The following SMARCA4 variants were observed in gnomAD, a reference collection of about 807,000 sequenced individuals.
SMARCA4 encodes the protein SWI/SNF related BAF chromatin remodeling complex subunit ATPase 4.
SMARCA4 carries 31 observed loss-of-function variants against 193.9 expected under a neutral mutation model. The ratio of observed to expected loss-of-function variants is 0.16; its 90% CI spans 0.12 to 0.22. SMARCA4 has a LOEUF of 0.22. SMARCA4 is among the 10% of genes least tolerant of loss of function. The pLI is 1.00. For missense variants in SMARCA4, 1,148 were observed against 2,296.0 expected (o/e 0.50, Z 10.22); for synonymous variants, 942 against 933.1 (o/e 1.01, Z -0.17).
chr19:11,060,160 C>G lies in SMARCA4; in HGVS notation c.4884C>G (p.Asp1628Glu), dbSNP rs778856307. Residue 1628 changes from aspartate (D) to glutamate (E), a missense_variant, in exon 34 of 35, where the codon GAC (aspartate) becomes GAG (glutamate). By Grantham distance (45) the Asp-to-Glu change is conservative (BLOSUM62 2). Transcript: ENST00000344626. ...RGSRAKPVVS[D>E]DDSEEEQEED... The stretch of plus-strand genomic sequence containing the variant: ...CCCGAGCCAAGCCGGTCGTGAGTGA[C>G]GATGACAGTGAGGAGGAACAAGAGG... The G allele has an allele frequency of 3.2e-6, 5 of 1,551,064 alleles. No homozygotes were observed. The African/African-American group carries it at 6.8e-5, about 21-fold the overall frequency.
At chr19:11,014,322 A>G (rs936689649) in intron 16 of SMARCA4, among the ~76,000 whole-genome samples, 2 of 152,190 alleles carry the variant, frequency 1.3e-5, no homozygotes, top group Non-Finnish European at 2.9e-5. Context: ...TGACTGTTGC[A>G]GGGAGGACTG....
chr19:10,975,039 T>TTTG (rs2085017707), intron 1 of SMARCA4, among the ~76,000 whole-genome samples: 1 of 141,800 alleles, frequency 7.1e-6, no homozygotes, highest in African/African-American at 2.7e-5. Flanking sequence ...TTTTTTTTTT[T>TTTG]GAGACAGGGT....
chr19:10,963,796 C>T (rs1011746072), intron 1 of SMARCA4, among the ~76,000 whole-genome samples: 9 of 149,830 alleles, frequency 6.0e-5, no homozygotes, highest in African/African-American at 2.0e-4. Context: ...GACGGAGTCT[C>T]GCTCTGTCAT....
chr19:11,051,530 C>T (rs1429343129), intron 30 of SMARCA4, among the ~76,000 whole-genome samples: 7 of 145,968 alleles, frequency 4.8e-5, no homozygotes, highest in African/African-American at 7.8e-5. Flanking sequence ...CTCACTCTGT[C>T]GCCAGGCTGG....
intron 30 of SMARCA4, among the ~76,000 whole-genome samples, chr19:11,054,232 G>A (rs117075594): frequency 3.8e-4 from 58 of 152,328 alleles, no homozygotes; most frequent in Middle Eastern, 6.8e-3. Flanking sequence ...TTGTTCCTGA[G>A]TGTCCACAGA....
chr19:11,022,525 G>T (rs1438259667), intron 19 of SMARCA4, among the ~76,000 whole-genome samples: 1 of 152,220 alleles, frequency 6.6e-6, no homozygotes, highest in Non-Finnish European at 1.5e-5. Flanking sequence ...TGATCCCTGA[G>T]CCTAGAGCTC....
rs746801055 is a variant in SMARCA4 at position 11,023,577 on chromosome 19, G to T, written c.2919G>T (p.Arg973=). 2 of 1,613,518 alleles carry T rather than the reference G, an allele frequency of 1.2e-6. No homozygotes were observed. Among genetic ancestry groups the T allele is most frequent in the Non-Finnish European group, 1.7e-6 (2 of 1,179,764 alleles). ...LIIRRLHKVL[R]PFLLRRLKKE... is the part of the protein sequence containing the mutation. ...TCCGGCGTCTCCACAAAGTGCTGCG[G>T]CCCTTCTTGCTCCGACGACTCAAGA... The change falls in exon 20 of 35, where the codon CGG becomes CGT. Residue 973 remains arginine (R), a synonymous_variant. Coordinates refer to ENST00000344626, the MANE Select transcript of SMARCA4 (RefSeq NM_003072.5).
At chr19:11,026,478 C>A in intron 23 of SMARCA4, 132 bp downstream of exon 23, 4 of 671,482 alleles carry the variant, frequency 6.0e-6, no homozygotes, top group South Asian at 1.6e-5. Flanking sequence ...CAGAAGAATC[C>A]AAAGCAAATA....
rs2146189179 is a variant in SMARCA4, at chr19:11,007,888, T to A, written c.2002-14T>A. 5.6e-6 allele frequency: 9 copies of A among 1,613,228 alleles called. No individual in the cohort carries two copies. The highest frequency in any genetic ancestry group is 7.6e-6 in the Non-Finnish European group (9 of 1,179,686). ...GGGGATGAACTGAGGTGACATGGGC[T>A]TGTCTCTTGGTAGGAGGAGGAGGAA... is the stretch of plus-strand genomic sequence containing the variant. On this transcript the variant is annotated splice_polypyrimidine_tract_variant and intron_variant, in intron 13 of 34. Coordinates refer to ENST00000344626, the MANE Select transcript of SMARCA4 (RefSeq NM_003072.5).
In SMARCA4 at chr19:11,059,901, G is replaced by T. The variant is rs151265814; in HGVS notation, c.4768+16G>T. 1.2e-3 allele frequency: 1,962 copies of T among 1,613,754 alleles called. 18 individuals carry two copies. In the African/African-American group the frequency reaches 0.023, roughly 19 times the overall value. ...GAATCCGAATGTGAGTCCCGGGGGG[G>T]TTCAGGACGCCGGGGTTCACGCTGG... On this transcript the variant is annotated intron_variant, in intron 33 of 34. Transcript: ENST00000344626.
intron 16 of SMARCA4, among the ~76,000 whole-genome samples, chr19:11,013,365 G>A (rs978535298): frequency 1.3e-5 from 2 of 152,200 alleles, no homozygotes; most frequent in Middle Eastern, 3.2e-3. Context: ...GCGTGTCTGT[G>A]TCCTCATCTC....
chr19:11,012,860 C>A, intron 15 of SMARCA4, 89 bp from the exon 16 acceptor site: 1 of 1,239,858 alleles, frequency 8.1e-7, no homozygotes, highest in East Asian at 2.3e-5. Context: ...GAACTCGTGG[C>A]TGGCGGTGTC....
chr19:11,008,534 C>A (rs193213758), intron 14 of SMARCA4, among the ~76,000 whole-genome samples: 1 of 152,204 alleles, frequency 6.6e-6, no homozygotes. Context: ...TGTCATACTG[C>A]GTCACGTTAT....
chr19:11,019,719 G>C lies in SMARCA4; in HGVS notation c.2616+18G>C. 1 of 1,562,540 alleles carries C rather than the reference G, an allele frequency of 6.4e-7. No homozygotes were observed. Among genetic ancestry groups the C allele is most frequent in the Non-Finnish European group, 8.8e-7 (1 of 1,134,412 alleles). ...TCGCCAAGGTAACGTGTCCCTGTGG[G>C]AAATGCCAGGCCATGGGCCGAGTGC... On this transcript the variant is annotated intron_variant, in intron 18 of 34. Transcript: ENST00000344626. The surrounding 1 kb of genome is among the most constrained non-coding windows in gnomAD (Gnocchi z 6.1).
chr19:11,023,446 C>A, intron 19 of SMARCA4, 72 bp from the exon 20 acceptor site: 1 of 980,516 alleles, frequency 1.0e-6, no homozygotes, highest in Non-Finnish European at 1.6e-6. Flanking sequence ...CCCACATCCG[C>A]ACCTTCTAGT....
At chr19:11,061,196 A>ATATATATAT (rs1161840643) in intron 34 of SMARCA4, among the ~76,000 whole-genome samples, 1 of 85,914 alleles carries the variant, frequency 1.2e-5, no homozygotes, top group African/African-American at 4.5e-5. Flanking sequence ...TTTAAAAAAA[A>ATATATATAT]AAAAAAAAAT....
rs1464425957 is a variant in SMARCA4, at chr19:10,987,240, T to C, written c.859+237T>C. On this transcript the variant is annotated intron_variant, in intron 5 of 34. Transcript: ENST00000344626. The surrounding 1 kb of genome is among the most constrained non-coding windows in gnomAD (Gnocchi z 5.3). ...TCACCCAGTCCCTGAGCCCTGTATA[T>C]GTAATTGCTCAGTAAGTGCTGCAGG... Among the ~76,000 whole-genome samples, 1 of 152,174 alleles carries C rather than the reference T, an allele frequency of 6.6e-6. No individual in the cohort carries two copies. Among genetic ancestry groups the C allele is most frequent in the East Asian group, 1.9e-4 (1 of 5,192 alleles).
rs148167299 is a variant in SMARCA4 at position 10,992,544 on chromosome 19, C to A, written c.1419+1221C>A. On this transcript the variant is annotated intron_variant, in intron 8 of 34. Coordinates refer to ENST00000344626, the MANE Select transcript of SMARCA4 (RefSeq NM_003072.5). ...GGTTCAAGGGATTCTCCTGCCTCAGCCTCCCAAGTAGTTGGGATTACAGAT... is the reference window on the plus strand; with the variant it reads ...GGTTCAAGGGATTCTCCTGCCTCAGACTCCCAAGTAGTTGGGATTACAGAT... Among the ~76,000 whole-genome samples the A allele has an allele frequency of 1.4e-3, 216 of 151,896 alleles. 1 individual carries two copies. Among genetic ancestry groups the A allele is most frequent in the Non-Finnish European group, 6.9e-4 (47 of 67,960 alleles).
At chr19:10,995,430 G>A (rs1322003241) in intron 9 of SMARCA4, 3 of 460,748 alleles carry the variant, frequency 6.5e-6, no homozygotes, top group African/African-American at 2.0e-5. Context: ...CTGCCTTTGT[G>A]GGGGCTCCTG....
Sources: gnomAD v4.1 joint callset for allele counts (sites outside exome capture counted in the v4.1 genomes callset) on GRCh38, gnomAD v4.1.1 for gene constraint, Gnocchi (gnomAD v3.1) non-coding constraint, MANE v1.5 for transcripts, NCBI Gene and HGNC (gene_info 2026-07-23, HGNC 2026-07-21) for gene names.